Variants in CELF2 observed in about 807,000 individuals in gnomAD.
CELF2 encodes the protein CUG triplet repeat RNA-binding protein 2.
In CELF2, 8 loss-of-function variants were observed where a neutral mutation model predicts 62.6. The observed-to-expected ratio is 0.13, with a 90% CI of 0.07 to 0.23. The LOEUF is 0.23. Among genes scored for constraint, CELF2 ranks in the 10% least tolerant of loss-of-function variants. The pLI, the probability that CELF2 is intolerant of heterozygous loss-of-function variation, is 1.00. For missense variants in CELF2, 333 were observed against 671.0 expected, an observed-to-expected ratio of 0.50 and a Z score of 5.56; for synonymous variants, 258 against 250.0, an observed-to-expected ratio of 1.03 and a Z score of -0.30.
chr10:11,232,100 T>C (rs2068929667), intron 3 of CELF2, among the ~76,000 whole-genome samples: 1 of 152,156 alleles, frequency 6.6e-6, no homozygotes, highest in African/African-American at 2.4e-5. Context: ...CATTAACTCG[T>C]CAGTTAACAT....
At chr10:10,645,525 G>A in the CELF2 span, among the ~76,000 whole-genome samples, 8 of 152,070 alleles carry the variant, frequency 5.3e-5, no homozygotes, top group East Asian at 1.9e-4. Context: ...ATGGTAGCAC[G>A]CCCATGTAGT....
At chr10:11,212,293 T>C (rs2062042783) in intron 2 of CELF2, among the ~76,000 whole-genome samples, 1 of 152,120 alleles carries the variant, frequency 6.6e-6, no homozygotes, top group Non-Finnish European at 1.5e-5. Context: ...GTGTCCAGGA[T>C]CTTCTTGCTG....
At chr10:10,791,209 C>G in the CELF2 span, among the ~76,000 whole-genome samples, 37 of 151,900 alleles carry the variant, frequency 2.4e-4, no homozygotes, top group African/African-American at 8.9e-4. Flanking sequence ...GTTAGAAACA[C>G]TGAAATATTT....
At position 11,306,046 on chromosome 10, in the gene CELF2, C is replaced by T. The variant is rs1031480942; in HGVS notation, c.977-8093C>T. On this transcript the variant is annotated intron_variant, in intron 9 of 12. Transcript: ENST00000633077. This position sits in a 1 kb window ranked among gnomAD's most constrained non-coding sequence, Gnocchi z 4.4. ...TGGCACGCCAGCTGGCCTGAACGTCCGTCGCCTGATTGATAGGTTTTAACC... is the reference window on the plus strand; with the variant it reads ...TGGCACGCCAGCTGGCCTGAACGTCTGTCGCCTGATTGATAGGTTTTAACC... Among the ~76,000 whole-genome samples the T allele has an allele frequency of 1.9e-4, 29 of 152,180 alleles. No homozygotes were observed. The highest frequency in any genetic ancestry group is 5.5e-4 in the African/African-American group (23 of 41,452).
chr10:10,490,102 C>T, the CELF2 span, among the ~76,000 whole-genome samples: 1 of 152,028 alleles, frequency 6.6e-6, no homozygotes, highest in African/African-American at 2.4e-5. Flanking sequence ...GAAAAAATCA[C>T]TCCTATCATG....
intron 2 of CELF2, among the ~76,000 whole-genome samples, chr10:10,989,056 C>A (rs2053143438): frequency 6.6e-6 from 1 of 152,088 alleles, no homozygotes; most frequent in Non-Finnish European, 1.5e-5. Context: ...CAGTAGTTAA[C>A]ACGTGGGAAC....
intron 1 of CELF2, among the ~76,000 whole-genome samples, chr10:10,903,852 A>G (rs867004485): frequency 2.0e-5 from 3 of 152,170 alleles, no homozygotes; most frequent in Admixed American, 1.3e-4. Context: ...GAGGCCCACA[A>G]GCAGTCATTG....
At chr10:10,951,656 G>GTGTC (rs1011645783) in intron 2 of CELF2, 2 of 152,164 alleles carry the variant, frequency 1.3e-5, no homozygotes, top group African/African-American at 4.8e-5. Flanking sequence ...ACTTCGCCTA[G>GTGTC]TGTCTCCCCA....
rs545110285 is a variant in CELF2 at position 10,992,403 on chromosome 10, T to C, written c.89+72404T>C. Among the ~76,000 whole-genome samples, 9 of 152,278 alleles carry C rather than the reference T, an allele frequency of 5.9e-5. No individual in the cohort carries two copies. In the South Asian group the frequency reaches 1.9e-3, roughly 32 times the overall value. On this transcript the variant is annotated intron_variant, in intron 2 of 13. Coordinates refer to the CELF2 transcript ENST00000636488. ...CACACAAGCACATTTAACCTAATGTTGGGTAACGTGTTAATGATGAAAGCA... is the reference window on the plus strand; with the variant it reads ...CACACAAGCACATTTAACCTAATGTCGGGTAACGTGTTAATGATGAAAGCA...
the CELF2 span, among the ~76,000 whole-genome samples, chr10:10,518,370 A>G: frequency 6.6e-6 from 1 of 152,212 alleles, no homozygotes; most frequent in Non-Finnish European, 1.5e-5. Context: ...GGACGCTGAA[A>G]TGGTGATAAA....
chr10:10,834,980 T>G (rs36006409), intron 1 of CELF2, among the ~76,000 whole-genome samples: 27,203 of 152,030 alleles, frequency 0.18, 2,634 homozygotes, highest in Non-Finnish European at 0.21. Flanking sequence ...AAATTCTGTC[T>G]CTCCTACCTT....
At chr10:10,812,821 TAGGC>T (rs1239919166) in intron 1 of CELF2, among the ~76,000 whole-genome samples, 4 of 152,322 alleles carry the variant, frequency 2.6e-5, no homozygotes, top group African/African-American at 9.6e-5. Flanking sequence ...GTCTGGAAGA[TAGGC>T]AGGGTCAATG....
At chr10:10,656,411 C>T in the CELF2 span, among the ~76,000 whole-genome samples, 1 of 133,808 alleles carries the variant, frequency 7.5e-6, no homozygotes, top group Admixed American at 7.7e-5. Flanking sequence ...GCTATAAAGA[C>T]ACATGCACAT....
chr10:10,974,415 T>C (rs2051105851), intron 2 of CELF2, among the ~76,000 whole-genome samples: 1 of 152,172 alleles, frequency 6.6e-6, no homozygotes, highest in Admixed American at 6.5e-5. Flanking sequence ...TGAAATTCAA[T>C]ACTTAGATAA....
the CELF2 span, among the ~76,000 whole-genome samples, chr10:10,784,135 T>A: frequency 6.6e-6 from 1 of 152,220 alleles, no homozygotes; most frequent in Admixed American, 6.5e-5. Context: ...GAGAGTTCCC[T>A]GAACCCCCTT....
chr10:10,974,134 A>G (rs151278509), intron 2 of CELF2, among the ~76,000 whole-genome samples: 31 of 152,324 alleles, frequency 2.0e-4, no homozygotes, highest in African/African-American at 7.2e-4. Context: ...GTATAGAAAT[A>G]TCTACCTTAC....
intron 1 of CELF2, among the ~76,000 whole-genome samples, chr10:11,158,244 A>G (rs1386401746): frequency 6.6e-6 from 1 of 152,108 alleles, no homozygotes. Flanking sequence ...GATACCCTAG[A>G]CCTGCTGTAG....
At chr10:11,000,064 G>C (rs1018615115) in intron 2 of CELF2, among the ~76,000 whole-genome samples, 2 of 152,192 alleles carry the variant, frequency 1.3e-5, no homozygotes, top group Non-Finnish European at 2.9e-5. Context: ...CCTGAAAGTG[G>C]TGCTTGGCAA....
upstream of CELF2, among the ~76,000 whole-genome samples, chr10:11,004,962 G>T (rs1168543922): frequency 6.6e-6 from 1 of 152,110 alleles, no homozygotes; most frequent in Non-Finnish European, 1.5e-5. The surrounding 1 kb of genome is among the most constrained non-coding windows in gnomAD (Gnocchi z 5.0). Context: ...AAAGGCAACT[G>T]GGAAATTGGT....
Sources: gnomAD v4.1 joint callset for allele counts (sites outside exome capture counted in the v4.1 genomes callset) on GRCh38, gnomAD v4.1.1 for gene constraint, Gnocchi (gnomAD v3.1) non-coding constraint, MANE v1.5 for transcripts, NCBI Gene and HGNC (gene_info 2026-07-23, HGNC 2026-07-21) for gene names.